TTC6: variants seen among roughly 807,000 people sequenced by gnomAD.
TTC6 encodes tetratricopeptide repeat protein 6.
Under a neutral mutation model 210.4 loss-of-function variants are expected in TTC6, and 172 were observed. The ratio of observed to expected loss-of-function variants is 0.82; its 90% CI spans 0.72 to 0.93. The LOEUF is 0.93. Among genes scored for constraint, TTC6 ranks in the 40% least tolerant of loss-of-function variants. TTC6 has a pLI of 0.00. For missense variants in TTC6, 2,414 were observed against 2,318.1 expected (o/e 1.04, Z -0.85); for synonymous variants, 804 against 819.6 (o/e 0.98, Z 0.32).
chr14:37,715,792 A>G (rs574251542), intron 6 of TTC6, among the ~76,000 whole-genome samples: 128 of 152,338 alleles, frequency 8.4e-4, no homozygotes, highest in African/African-American at 1.7e-3. Context: ...CTCAGATAGA[A>G]GGAAACGAAG....
chr14:37,749,521 T>C, intron 11 of TTC6, 120 bp downstream of exon 13: 2 of 964,258 alleles, frequency 2.1e-6, no homozygotes, highest in Admixed American at 3.9e-5. Flanking sequence ...GGAATTATTA[T>C]AACAGTATAA....
chr14:37,651,442 T>TCA (rs1566864828), intron 1 of TTC6, among the ~76,000 whole-genome samples: 1 of 108,490 alleles, frequency 9.2e-6, no homozygotes, highest in Non-Finnish European at 1.9e-5. Context: ...TTTTTTTTTT[T>TCA]TTTTTTTTTT....
chr14:37,750,719 T>C (rs1435810156), intron 12 of TTC6, among the ~76,000 whole-genome samples: 1 of 151,836 alleles, frequency 6.6e-6, no homozygotes, highest in African/African-American at 2.4e-5. Flanking sequence ...AACCCCTGTG[T>C]CTATAAAAAA....
Position 37,771,511 on chromosome 14 carries a change from C to CT in TTC6, c.3267-15950dup, listed in dbSNP as rs1293382164. 9.9e-5 allele frequency among the ~76,000 whole-genome samples: 15 copies of CT among 152,198 alleles called. No homozygotes were observed. The East Asian group carries it at 2.7e-3, about 28-fold the overall frequency. On this transcript the variant is annotated intron_variant, in intron 14 of 30. Coordinates refer to ENST00000553443, the Ensembl canonical transcript of TTC6. ...GGATGTTTGCTCTTTTCTTTTTATGCTTTTTTTCTCTAAGCTTCCCTTCTC... is the reference window on the plus strand; with the variant it reads ...GGATGTTTGCTCTTTTCTTTTTATGCTTTTTTTTCTCTAAGCTTCCCTTCTC...
chr14:37,804,605 A>G, intron 20 of TTC6, 75 bp from the exon 23 acceptor site: 1 of 1,541,344 alleles, frequency 6.5e-7, no homozygotes, highest in Non-Finnish European at 8.8e-7. Context: ...TCCTTTTAAC[A>G]TATAAGGCTG....
intron 3 of TTC6, among the ~76,000 whole-genome samples, chr14:37,686,453 A>G (rs2095793931): frequency 1.3e-5 from 2 of 152,232 alleles, no homozygotes; most frequent in African/African-American, 4.8e-5. Context: ...AGGATGCACA[A>G]CTAGTACATG....
intron 7 of TTC6, among the ~76,000 whole-genome samples, chr14:37,735,706 C>T (rs1030987406): frequency 1.3e-5 from 2 of 152,064 alleles, no homozygotes; most frequent in Non-Finnish European, 2.9e-5. Flanking sequence ...TGCTAAATGC[C>T]AACACTGAAG....
chr14:37,607,104 T>G (rs1018457343), intron 2 of TTC6, among the ~76,000 whole-genome samples: 15 of 152,180 alleles, frequency 9.9e-5, no homozygotes, highest in African/African-American at 3.6e-4. Flanking sequence ...CAGCAAAATC[T>G]CTAGTGTATT....
chr14:37,722,278 C>T (rs531371593), intron 6 of TTC6, among the ~76,000 whole-genome samples: 1 of 152,234 alleles, frequency 6.6e-6, no homozygotes, highest in South Asian at 2.1e-4. Context: ...GTTCTGGCAG[C>T]TACTACCCCT....
chr14:37,806,850 C>T (rs17107121), intron 22 of TTC6, among the ~76,000 whole-genome samples: 2,541 of 152,176 alleles, frequency 0.017, 75 homozygotes, highest in African/African-American at 0.057. Context: ...ATACAGGCAA[C>T]ACAAAATTCA....
intron 14 of TTC6, among the ~76,000 whole-genome samples, chr14:37,764,430 T>G (rs1413208518): frequency 6.6e-6 from 1 of 152,200 alleles, no homozygotes; most frequent in African/African-American, 2.4e-5. Context: ...TCTGTTAGTC[T>G]TTGCTGCATA....
intron 14 of TTC6, among the ~76,000 whole-genome samples, chr14:37,782,873 C>A (rs569751527): frequency 2.6e-5 from 4 of 152,146 alleles, no homozygotes; most frequent in African/African-American, 9.7e-5. Context: ...TTTTCTGCAT[C>A]TATTGAGATA....
intron 1 of TTC6, among the ~76,000 whole-genome samples, chr14:37,648,274 A>G (rs1236790821): frequency 1.3e-5 from 2 of 152,194 alleles, no homozygotes; most frequent in Non-Finnish European, 2.9e-5. Context: ...GCTTTATGAT[A>G]GATATTCATT....
intron 29 of TTC6, among the ~76,000 whole-genome samples, chr14:37,827,622 G>A (rs1029587912): frequency 6.6e-6 from 1 of 151,620 alleles, no homozygotes; most frequent in African/African-American, 2.4e-5. Flanking sequence ...TGTCTTGCTA[G>A]AATCTTATTG....
intron 1 of TTC6, among the ~76,000 whole-genome samples, chr14:37,601,895 A>T (rs2095616238): frequency 1.3e-5 from 2 of 152,180 alleles, no homozygotes; most frequent in African/African-American, 2.4e-5. Context: ...ATATTGACTA[A>T]AAGTTGAAGA....
At chr14:37,812,462 G>A (rs371838643) in intron 25 of TTC6, 29 bp downstream of exon 27, 2 of 1,535,356 alleles carry the variant, frequency 1.3e-6, no homozygotes, top group Non-Finnish European at 1.8e-6. Flanking sequence ...TAACCCACTT[G>A]ATTTTGCACA....
chr14:37,842,468 T>A (rs1436822990), downstream of TTC6: 1 of 497,070 alleles, frequency 2.0e-6, no homozygotes, highest in Non-Finnish European at 3.1e-6. Context: ...ATAAAACATA[T>A]ATCATTTGCT....
intron 1 of TTC6, among the ~76,000 whole-genome samples, chr14:37,633,111 C>G (rs1181640795): frequency 6.6e-6 from 1 of 152,126 alleles, no homozygotes; most frequent in Non-Finnish European, 1.5e-5. Context: ...TGGCTTCAGC[C>G]CCCTTTCTAG....
chr14:37,791,421 AAAG>A (rs2096079017), intron 16 of TTC6, among the ~76,000 whole-genome samples: 1 of 151,988 alleles, frequency 6.6e-6, no homozygotes, highest in African/African-American at 2.4e-5. Context: ...CTTTTTTTCC[AAAG>A]AAGGATTTAT....
Sources: allele counts gnomAD v4.1 joint callset (sites outside exome capture counted in the v4.1 genomes callset), GRCh38; gene constraint gnomAD v4.1.1; transcripts MANE v1.5; gene names NCBI Gene and HGNC (gene_info 2026-07-23, HGNC 2026-07-21).